Variants in SMCO4 observed in about 807,000 individuals in gnomAD.
SMCO4 encodes the protein single-pass membrane and coiled-coil domain-containing protein 4.
A neutral mutation model predicts 3.6 loss-of-function variants in SMCO4; 4 were observed. The ratio of observed to expected loss-of-function variants is 1.11; its 90% confidence interval spans 0.54 to 2.53. SMCO4 has a LOEUF of 2.53. Ranked by LOEUF, SMCO4 falls within the 30% of genes most tolerant of loss-of-function variation. The probability of loss-of-function intolerance (pLI) is 0.02; values close to 1 mark genes in which losing one functional copy is unlikely to be tolerated. For synonymous variants in SMCO4, 36 were observed against 35.3 expected (o/e 1.02, Z -0.07); for missense variants, 70 against 80.8 (o/e 0.87, Z 0.51).
chr11:93,502,732 A>T (rs1948854197), intron 1 of SMCO4, among the ~76,000 whole-genome samples: 2 of 152,370 alleles, frequency 1.3e-5, no homozygotes, highest in South Asian at 4.1e-4. Flanking sequence ...GCAACATCAT[A>T]CCTGAGATAA....
At chr11:93,479,667 A>G (rs1292443749) in intron 2 of SMCO4, among the ~76,000 whole-genome samples, 5 of 152,142 alleles carry the variant, frequency 3.3e-5, no homozygotes, top group African/African-American at 1.2e-4. Context: ...GCCCATCTCC[A>G]GCATGGAACT....
intron 1 of SMCO4, among the ~76,000 whole-genome samples, chr11:93,514,402 AT>A (rs765985812): frequency 0.15 from 14,680 of 99,568 alleles, 1,750 homozygotes; most frequent in Non-Finnish European, 0.2. Flanking sequence ...ATATATATAT[AT>A]ATATATATAT....
intron 1 of SMCO4, among the ~76,000 whole-genome samples, chr11:93,519,604 C>T (rs1949039824): frequency 6.6e-6 from 1 of 152,182 alleles, no homozygotes; most frequent in Non-Finnish European, 1.5e-5. Flanking sequence ...TATAAAACTA[C>T]ACCAAGATGA....
intron 1 of SMCO4, among the ~76,000 whole-genome samples, chr11:93,504,159 T>C (rs1456607890): frequency 6.6e-6 from 1 of 152,200 alleles, no homozygotes; most frequent in Non-Finnish European, 1.5e-5. Context: ...TCCATGATAT[T>C]TCTGCAACTC....
At chr11:93,483,867 A>C (rs1948619170) in intron 2 of SMCO4, among the ~76,000 whole-genome samples, 1 of 152,120 alleles carries the variant, frequency 6.6e-6, no homozygotes, top group Non-Finnish European at 1.5e-5. Context: ...TACCCCACTT[A>C]TCTTCCCGCC....
At chr11:93,501,431 G>A (rs898071978) in intron 1 of SMCO4, among the ~76,000 whole-genome samples, 25 of 152,208 alleles carry the variant, frequency 1.6e-4, no homozygotes, top group South Asian at 8.3e-4. Context: ...TCTAGAAGCC[G>A]TAGGGGAGAA....
chr11:93,535,180 A>G (rs1178384277), intron 1 of SMCO4, among the ~76,000 whole-genome samples: 2 of 152,182 alleles, frequency 1.3e-5, no homozygotes, highest in African/African-American at 4.8e-5. Context: ...GGCAAGTTAC[A>G]CCAAAATTAA....
At chr11:93,539,645 G>C (rs1949255765) in intron 1 of SMCO4, among the ~76,000 whole-genome samples, 1 of 152,058 alleles carries the variant, frequency 6.6e-6, no homozygotes, top group African/African-American at 2.4e-5. Context: ...CACCCTCTTG[G>C]AATTTAATTT....
intron 1 of SMCO4, among the ~76,000 whole-genome samples, chr11:93,538,978 C>T (rs546296321): frequency 1.3e-5 from 2 of 152,334 alleles, no homozygotes; most frequent in South Asian, 4.1e-4. Flanking sequence ...GCACAGCATG[C>T]AAGGCCCCTG....
chr11:93,489,460 G>A (rs1014472199), intron 2 of SMCO4, among the ~76,000 whole-genome samples: 19 of 152,166 alleles, frequency 1.2e-4, no homozygotes, highest in East Asian at 7.7e-4. Flanking sequence ...TCCAGGAGGC[G>A]ATGACTGAAT....
chr11:93,479,401 C>T (rs947237048), intron 2 of SMCO4, 132 bp from the exon 3 acceptor site: 1 of 860,566 alleles, frequency 1.2e-6, no homozygotes, highest in Non-Finnish European at 1.6e-6. Context: ...AGAGGCCACA[C>T]CAGGCTCTAA....
chr11:93,517,654 C>T (rs1949020067), intron 1 of SMCO4, among the ~76,000 whole-genome samples: 2 of 152,168 alleles, frequency 1.3e-5, no homozygotes, highest in African/African-American at 2.4e-5. Context: ...TTACAGTGTA[C>T]CAAGCATTTT....
At chr11:93,528,499 CAGGCCATCAGGG>C (rs1167155203) in intron 1 of SMCO4, among the ~76,000 whole-genome samples, 1 of 152,244 alleles carries the variant, frequency 6.6e-6, no homozygotes, top group African/African-American at 2.4e-5. Flanking sequence ...TCTGGCCAGA[CAGGCCATCAGGG>C]AGCACCAGGG....
At chr11:93,536,339 T>C (rs1199434473) in intron 1 of SMCO4, among the ~76,000 whole-genome samples, 2 of 152,218 alleles carry the variant, frequency 1.3e-5, no homozygotes, top group African/African-American at 4.8e-5. Flanking sequence ...AACATGTGCA[T>C]ACTAATATGT....
intron 1 of SMCO4, among the ~76,000 whole-genome samples, chr11:93,527,562 C>T (rs12421788): frequency 0.038 from 5,783 of 152,188 alleles, 283 homozygotes; most frequent in East Asian, 0.14. Flanking sequence ...GCTCAAGCGA[C>T]CTTCCCAACT....
intron 2 of SMCO4, among the ~76,000 whole-genome samples, chr11:93,492,647 C>G (rs983367795): frequency 1.3e-5 from 2 of 152,048 alleles, no homozygotes; most frequent in African/African-American, 4.8e-5. Context: ...AAGGAGACCT[C>G]AAAGAAGAGG....
At chr11:93,527,696 A>C (rs988335234) in intron 1 of SMCO4, among the ~76,000 whole-genome samples, 4 of 152,166 alleles carry the variant, frequency 2.6e-5, no homozygotes, top group Non-Finnish European at 5.9e-5. Flanking sequence ...CCTAGGCTCA[A>C]GTGATCCTCC....
At position 93,479,015 on chromosome 11, in the gene SMCO4, C is replaced by T. The variant is rs1354575103; in HGVS notation, c.175G>A (p.Glu59Lys). The change falls in exon 3 of 3, where the codon GAG (glutamate) becomes AAG (lysine). Residue 59 changes from glutamate (E) to lysine (K), a missense_variant. By Grantham distance (56) the Glu-to-Lys change is moderately conservative (BLOSUM62 1). Transcript: ENST00000298966. Reference protein sequence around the residue: ...VYVATRPTITE With the variant: ...VYVATRPTITK ...TCCGCAGCCGGCTGCGGGGCTCACT[C>T]GGTGATGGTGGGGCGCGTGGCCACG... is the stretch of plus-strand genomic sequence containing the variant. 11 of 1,604,838 alleles carry T rather than the reference C, an allele frequency of 6.9e-6. No individual in the cohort carries two copies. Among genetic ancestry groups the T allele is most frequent in the African/African-American group, 5.3e-5 (4 of 74,836 alleles).
At chr11:93,534,162 G>T (rs1284210094) in intron 1 of SMCO4, among the ~76,000 whole-genome samples, 1 of 147,256 alleles carries the variant, frequency 6.8e-6, no homozygotes, top group Non-Finnish European at 1.5e-5. Flanking sequence ...CAGCACTCCA[G>T]CCTGGGCGAC....
Sources: allele counts gnomAD v4.1 joint callset (sites outside exome capture counted in the v4.1 genomes callset), GRCh38; gene constraint gnomAD v4.1.1; transcripts MANE v1.5; gene names NCBI Gene and HGNC (gene_info 2026-07-23, HGNC 2026-07-21).